The following C3orf20 variants were observed in gnomAD, a reference collection of about 807,000 sequenced individuals.
The protein encoded by C3orf20 is family with sequence similarity 149 member C, also known as uncharacterized protein C3orf20.
C3orf20 carries 76 observed loss-of-function variants against 88.3 expected under a neutral mutation model. The observed-to-expected ratio is 0.86, with a 90% CI of 0.72 to 1.04. The LOEUF is 1.04. C3orf20 is among the 50% of genes least tolerant of loss of function. The probability of loss-of-function intolerance (pLI) is 0.00; values close to 1 mark genes in which losing one functional copy is unlikely to be tolerated. For missense variants in C3orf20, 1,056 were observed against 1,123.3 expected (o/e 0.94, Z 0.86); for synonymous variants, 436 against 437.4 (o/e 1.00, Z 0.04).
intron 5 of C3orf20, among the ~76,000 whole-genome samples, chr3:14,691,509 T>C (rs1230944206): frequency 6.6e-6 from 1 of 152,252 alleles, no homozygotes; most frequent in Non-Finnish European, 1.5e-5. Flanking sequence ...AAGTCCTCCG[T>C]ATCCAGGGTT....
At chr3:14,693,791 A>G (rs1195143353) in intron 5 of C3orf20, among the ~76,000 whole-genome samples, 1 of 152,184 alleles carries the variant, frequency 6.6e-6, no homozygotes, top group Admixed American at 6.5e-5. Context: ...AAAGGCTTTC[A>G]GTTTTTCCCC....
At position 14,773,035 on chromosome 3, in the gene C3orf20, G is replaced by A; in HGVS notation, c.*160G>A. The A allele has an allele frequency of 1.6e-6, 1 of 622,652 alleles. No homozygotes were observed. The highest frequency in any genetic ancestry group is 2.8e-5 in the East Asian group (1 of 35,624). 38.6% of individuals were successfully genotyped at this position (622,652 alleles called of 1,614,324 possible). ...TGGGGTGAGGCTCTGGGGAAGGACA[G>A]ACCCAGCTCATTCTGTCTTCTGTGA... is the stretch of plus-strand genomic sequence containing the variant. On this transcript the variant is annotated 3_prime_UTR_variant, in exon 17 of 17. Coordinates refer to ENST00000253697, the MANE Select transcript of C3orf20 (RefSeq NM_032137.5).
At chr3:14,717,072 G>A (rs2033969683) in intron 9 of C3orf20, among the ~76,000 whole-genome samples, 1 of 152,186 alleles carries the variant, frequency 6.6e-6, no homozygotes, top group Non-Finnish European at 1.5e-5. Flanking sequence ...ACTGGGATAA[G>A]AACCTGAGGA....
chr3:14,699,985 T>C (rs1299519554), intron 5 of C3orf20, among the ~76,000 whole-genome samples: 1 of 152,144 alleles, frequency 6.6e-6, no homozygotes, highest in Admixed American at 6.5e-5. Flanking sequence ...CCTCCATGAG[T>C]GGGCTTCAGC....
rs557133220 is a variant in C3orf20 at position 14,721,581 on chromosome 3, G to A, written c.1435-72G>A. 113 of 1,576,070 alleles carry A rather than the reference G, an allele frequency of 7.2e-5. 1 individual carries two copies. The highest frequency in any genetic ancestry group is 3.1e-4 in the African/African-American group (23 of 74,212). Reference sequence around the variant, plus strand: ...CAAGCCAACAGGGGCTTTGTGCTTCGTGGTGGGTCAGGAAGGGGTGGCTGG... The same window carrying A: ...CAAGCCAACAGGGGCTTTGTGCTTCATGGTGGGTCAGGAAGGGGTGGCTGG... On this transcript the variant is annotated intron_variant, in intron 9 of 16. Coordinates refer to ENST00000253697, the MANE Select transcript of C3orf20 (RefSeq NM_032137.5).
At position 14,682,758 on chromosome 3, in the gene C3orf20, A is replaced by C; in HGVS notation, c.45A>C (p.Thr15=). The C allele has an allele frequency of 1.2e-6, 2 of 1,614,026 alleles. No individual in the cohort carries two copies. Among genetic ancestry groups the C allele is most frequent in the Non-Finnish European group, 1.7e-6 (2 of 1,179,984 alleles). ...KSNLELYQQY[T]AMAPKLLARI... ...ACCTAGAATTATATCAGCAATACAC[A>C]GCCATGGCCCCCAAGCTACTGGCCC... The change falls in exon 3 of 17, where the codon ACA becomes ACC. Residue 15 remains threonine, a synonymous_variant. Transcript: ENST00000253697.
chr3:14,757,405 T>C lies in C3orf20; in HGVS notation c.1975T>C (p.Trp659Arg). 1.2e-6 allele frequency: 2 copies of C among 1,611,778 alleles called. No individual in the cohort carries two copies. The highest frequency in any genetic ancestry group is 1.7e-6 in the Non-Finnish European group (2 of 1,179,808). Residue 659 changes from tryptophan (W) to arginine (R), a missense_variant, in exon 13 of 17, where the codon TGG becomes CGG. Coordinates refer to ENST00000253697, the MANE Select transcript of C3orf20 (RefSeq NM_032137.5). ...KAREGRSPTR[W>R]AALPSDCPLV... ...CCGCGAGGGGCGCAGCCCCACCAGG[T>C]GGGCGGCCTTGCCCTCAGACTGCCC...
intron 4 of C3orf20, among the ~76,000 whole-genome samples, chr3:14,688,093 A>G (rs1483930740): frequency 1.3e-5 from 2 of 152,164 alleles, no homozygotes; most frequent in Non-Finnish European, 2.9e-5. Context: ...TCCTAAAAGG[A>G]CTTTACTTAC....
chr3:14,752,417 A>G lies in C3orf20; in HGVS notation c.1941-4954A>G, dbSNP rs538808710. The stretch of plus-strand genomic sequence containing the variant: ...CTAGACAATACCGGTAATTCAGGAC[A>G]TAGGCATGGGTAAAGACTTCGTGAC... On this transcript the variant is annotated intron_variant, in intron 12 of 16. Transcript: ENST00000253697. Among the ~76,000 whole-genome samples the G allele has an allele frequency of 8.5e-5, 13 of 152,374 alleles. No homozygotes were observed. In the South Asian group the frequency reaches 2.3e-3, roughly 27 times the overall value.
intron 7 of C3orf20, among the ~76,000 whole-genome samples, chr3:14,713,111 A>T (rs1452329385): frequency 6.6e-6 from 1 of 152,144 alleles, no homozygotes; most frequent in Non-Finnish European, 1.5e-5. Context: ...TGACAGTTGA[A>T]TTATAATGTG....
intron 4 of C3orf20, among the ~76,000 whole-genome samples, chr3:14,687,562 C>T (rs949920211): frequency 6.6e-6 from 1 of 152,076 alleles, no homozygotes; most frequent in African/African-American, 2.4e-5. Flanking sequence ...AGATCTCCCT[C>T]ATTTGGGGGC....
At chr3:14,712,153 GAC>G (rs1190014286) in intron 7 of C3orf20, among the ~76,000 whole-genome samples, 1 of 139,798 alleles carries the variant, frequency 7.2e-6, no homozygotes, top group Non-Finnish European at 1.5e-5. Flanking sequence ...AGAGAAAACA[GAC>G]ACACACACGC....
Position 14,704,421 on chromosome 3 carries a change from T to G in C3orf20, c.963T>G (p.His321Gln), listed in dbSNP as rs758897746. Reference protein sequence around the residue: ...LRNYKAKMPSHLMLARKGDSQ... With the variant: ...LRNYKAKMPSQLMLARKGDSQ... ...ACTACAAGGCAAAGATGCCCTCTCATCTAATGTTGGCCCGCAAAGGAGACT... is the reference window on the plus strand; with the variant it reads ...ACTACAAGGCAAAGATGCCCTCTCAGCTAATGTTGGCCCGCAAAGGAGACT... The change falls in exon 7 of 17, where the codon CAT (histidine) becomes CAG (glutamine). Residue 321 changes from histidine (H) to glutamine (Q), a missense_variant. Physicochemically the swap from His to Gln is conservative, Grantham distance 24. Transcript: ENST00000253697. 1.7e-5 allele frequency: 28 copies of G among 1,613,994 alleles called. No individual in the cohort carries two copies. In the Admixed American group the frequency reaches 3.3e-4, roughly 19 times the overall value.
In C3orf20 at chr3:14,688,630, A is replaced by G. The variant is rs1002582480; in HGVS notation, c.626-1367A>G. ...AGTCTTCCCTCCTGTCCTGATACCT[A>G]CTAGCCCTGGCTTGTCACTGAAGAA... is the stretch of plus-strand genomic sequence containing the variant. On this transcript the variant is annotated intron_variant, in intron 4 of 16. Transcript: ENST00000253697. Among the ~76,000 whole-genome samples the G allele has an allele frequency of 3.3e-5, 5 of 152,104 alleles. No homozygotes were observed. The East Asian group carries it at 9.7e-4, about 29-fold the overall frequency.
intron 12 of C3orf20, among the ~76,000 whole-genome samples, chr3:14,738,811 TTTTG>T (rs2034810893): frequency 1.5e-5 from 2 of 134,832 alleles, no homozygotes; most frequent in Non-Finnish European, 3.1e-5. Context: ...TGGCTAATTT[TTTTG>T]TTTTTTTTTT....
Position 14,682,998 on chromosome 3 carries a change from A to G in C3orf20, c.285A>G (p.Leu95=), listed in dbSNP as rs2032181996. Residue 95 remains leucine, a synonymous_variant, in exon 3 of 17, where the codon CTA becomes CTG. Transcript: ENST00000253697. ...FVQVPTLKKP[L]PPPPPAPPRP... ...AGGTCCCCACACTGAAGAAGCCACTACCTCCACCACCACCAGCACCACCAC... is the reference window on the plus strand; with the variant it reads ...AGGTCCCCACACTGAAGAAGCCACTGCCTCCACCACCACCAGCACCACCAC... 1 of 1,613,280 alleles carries G rather than the reference A, an allele frequency of 6.2e-7. No individual in the cohort carries two copies. The highest frequency in any genetic ancestry group is 1.3e-5 in the African/African-American group (1 of 74,950).
At position 14,727,443 on chromosome 3, in the gene C3orf20, A is replaced by C. The variant is rs908270887; in HGVS notation, c.1690+419A>C. ...CCCTTCTTTTTGTGGATCTCAGAAG[A>C]GAAAAATGCAATCACCTCTCTAGGC... On this transcript the variant is annotated intron_variant, in intron 11 of 16. Transcript: ENST00000253697. 9.9e-5 allele frequency among the ~76,000 whole-genome samples: 15 copies of C among 152,128 alleles called. No individual in the cohort carries two copies. In the East Asian group the frequency reaches 2.9e-3, roughly 30 times the overall value.
intron 12 of C3orf20, among the ~76,000 whole-genome samples, chr3:14,737,410 C>T (rs1333045375): frequency 6.6e-6 from 1 of 152,112 alleles, no homozygotes; most frequent in Non-Finnish European, 1.5e-5. Flanking sequence ...TGCAATAAAG[C>T]AAATCACACA....
At chr3:14,721,445 G>A (rs1187892987) in intron 9 of C3orf20, among the ~76,000 whole-genome samples, 1 of 152,236 alleles carries the variant, frequency 6.6e-6, no homozygotes, top group East Asian at 1.9e-4. Flanking sequence ...GAATAAGGAA[G>A]CATCATTTAC....
Sources: allele counts gnomAD v4.1 joint callset (sites outside exome capture counted in the v4.1 genomes callset), GRCh38; gene constraint gnomAD v4.1.1; transcripts MANE v1.5; gene names NCBI Gene and HGNC (gene_info 2026-07-23, HGNC 2026-07-21).